DNAH11: variants seen among roughly 807,000 people sequenced by gnomAD.
DNAH11 encodes the protein dynein axonemal heavy chain 11.
Under a neutral mutation model 526.0 loss-of-function variants are expected in DNAH11, and 442 were observed. The observed-to-expected ratio is 0.84, with a 90% CI of 0.78 to 0.91. The LOEUF (loss-of-function observed/expected upper bound fraction) is 0.91. Among genes scored for constraint, DNAH11 ranks in the 40% least tolerant of loss-of-function variants. The pLI is 0.00. For missense variants in DNAH11, 6,989 were observed against 5,448.7 expected, an observed-to-expected ratio of 1.28 and a Z score of -8.90; for synonymous variants, 2,461 against 1,935.9, an observed-to-expected ratio of 1.27 and a Z score of -7.12.
intron 66 of DNAH11, among the ~76,000 whole-genome samples, chr7:21,848,211 C>A (rs575643890): frequency 2.1e-4 from 31 of 149,822 alleles, no homozygotes; most frequent in African/African-American, 7.5e-4. Context: ...GGAGAGTAGA[C>A]CCTTTTATTA....
chr7:21,553,665 C>T (rs1383270050), intron 2 of DNAH11, among the ~76,000 whole-genome samples: 2 of 152,322 alleles, frequency 1.3e-5, no homozygotes, highest in East Asian at 1.9e-4. Flanking sequence ...ATACTTGTAA[C>T]ATCCCCTCAT....
At chr7:21,841,421 C>T (rs747415670) in intron 65 of DNAH11, among the ~76,000 whole-genome samples, 2 of 152,086 alleles carry the variant, frequency 1.3e-5, no homozygotes, top group Non-Finnish European at 2.9e-5. Flanking sequence ...TACTTTCATG[C>T]TAATGTTGAT....
Position 21,558,946 on chromosome 7 carries a change from A to G in DNAH11, c.640A>G (p.Ile214Val), listed in dbSNP as rs117064287. ...GKMSRRTLLP[I>V]PTVAGKMDLD... Reference sequence around the variant, plus strand: ...AATGTCTAGAAGAACTCTTCTACCAATTCCCACTGTTGCAGGAAAGATGGA... The same window carrying G: ...AATGTCTAGAAGAACTCTTCTACCAGTTCCCACTGTTGCAGGAAAGATGGA... The change falls in exon 3 of 82, where the codon ATT becomes GTT. Residue 214 changes from isoleucine (I) to valine (V), a missense_variant. Coordinates refer to ENST00000409508, the MANE Select transcript of DNAH11 (RefSeq NM_001277115.2). 6.3e-3 allele frequency: 10,037 copies of G among 1,595,426 alleles called. 59 individuals are homozygous for G. Among genetic ancestry groups the G allele is most frequent in the Non-Finnish European group, 7.3e-3 (8,596 of 1,169,972 alleles).
In DNAH11 at chr7:21,615,131, G is replaced by A. The variant is rs200954442; in HGVS notation, c.3870G>A (p.Glu1290=). The change falls in exon 21 of 82, where the codon GAG becomes GAA. Residue 1290 remains glutamate, a synonymous_variant. Coordinates refer to ENST00000409508, the MANE Select transcript of DNAH11 (RefSeq NM_001277115.2). ...CTCCTTAGGCAAATGAAGAGCTTGA[G>A]GCCTTAGAAGAAGAAATGTTGCAGA... ...TALDKANEEL[E]ALEEEMLQMQ... 5 of 1,611,778 alleles carry A rather than the reference G, an allele frequency of 3.1e-6. No homozygotes were observed. The highest frequency in any genetic ancestry group is 1.7e-5 in the Admixed American group (1 of 59,652).
chr7:21,847,160 T>C (rs1369348245), intron 66 of DNAH11, among the ~76,000 whole-genome samples: 1 of 152,186 alleles, frequency 6.6e-6, no homozygotes, highest in Non-Finnish European at 1.5e-5. Flanking sequence ...GTTTCTCTAC[T>C]GATTTTCTGG....
intron 1 of DNAH11, among the ~76,000 whole-genome samples, 157 bp from the exon 2 acceptor site, chr7:21,544,849 C>T (rs1337663149): frequency 6.6e-6 from 1 of 152,098 alleles, no homozygotes; most frequent in Admixed American, 6.5e-5. Context: ...ATACTCGCTG[C>T]ATACTAGGGA....
In DNAH11 at chr7:21,683,815, C is replaced by G. The variant is rs751199223; in HGVS notation, c.5492C>G (p.Ser1831Cys). 1.5e-5 allele frequency: 24 copies of G among 1,610,934 alleles called. No individual in the cohort carries two copies. In the Admixed American group the frequency reaches 3.2e-4, roughly 21 times the overall value. ...AGTCCCCAAGCTTTTACATGGCTGT[C>G]TCAACTTCGTCACCGATGGGAGGAT... The part of the protein sequence containing the change: ...VVSPQAFTWL[S>C]QLRHRWEDTQ... The change falls in exon 32 of 82, where the codon TCT (serine) becomes TGT (cysteine). Residue 1831 changes from serine (S) to cysteine (C), a missense_variant. Coordinates refer to ENST00000409508, the MANE Select transcript of DNAH11 (RefSeq NM_001277115.2).
At chr7:21,864,439 G>T in intron 69 of DNAH11, 96 bp from the exon 70 acceptor site, 11 of 1,254,590 alleles carry the variant, frequency 8.8e-6, no homozygotes, top group Non-Finnish European at 1.2e-5. Flanking sequence ...GTATGGTTCT[G>T]CCTACTCAGT....
In DNAH11 at chr7:21,558,465, T is replaced by C. The variant is rs554463485; in HGVS notation, c.496-337T>C. On this transcript the variant is annotated intron_variant, in intron 2 of 81. Transcript: ENST00000409508. ...GATTCAGAAAGATTGTTTTCATTAA[T>C]GTGCCTGCCAGTGTGCTCAGTTTGC... Among the ~76,000 whole-genome samples the C allele has an allele frequency of 2.6e-5, 4 of 152,354 alleles. No individual in the cohort carries two copies. The South Asian group carries it at 8.3e-4, about 32-fold the overall frequency.
At chr7:21,784,384 A>G (rs1189556544) in intron 57 of DNAH11, 43 bp from the exon 58 acceptor site, 1 of 1,434,618 alleles carries the variant, frequency 7.0e-7, no homozygotes, top group South Asian at 1.2e-5. Context: ...GATATCTGTG[A>G]TAATAATTTA....
At position 21,748,533 on chromosome 7, in the gene DNAH11, CG is replaced by C. The variant is rs1562524366; in HGVS notation, c.8511-43del. 2.1e-6 allele frequency: 3 copies of C among 1,424,110 alleles called. No homozygotes were observed. The African/African-American group carries it at 4.3e-5, about 21-fold the overall frequency. 88.2% of individuals were successfully genotyped at this position (1,424,110 alleles called of 1,614,324 possible). On this transcript the variant is annotated intron_variant, in intron 51 of 81. Transcript: ENST00000409508. Reference sequence around the variant, plus strand: ...AAAATAAACAGAACAGACATAGTCCCGGGGCATTTTCGATTTTGTGCCATAA... The same window carrying C: ...AAAATAAACAGAACAGACATAGTCCCGGGCATTTTCGATTTTGTGCCATAA...
intron 63 of DNAH11, among the ~76,000 whole-genome samples, chr7:21,811,659 A>G (rs113461453): frequency 2.6e-3 from 394 of 152,292 alleles, no homozygotes; most frequent in African/African-American, 9.0e-3. Context: ...TGGTTGTACA[A>G]CAATGTGAAT....
intron 65 of DNAH11, among the ~76,000 whole-genome samples, chr7:21,829,358 T>C (rs188823315): frequency 1.3e-5 from 2 of 152,296 alleles, no homozygotes; most frequent in Admixed American, 6.5e-5. Context: ...AGAGAACATG[T>C]TGGCTATCTG....
chr7:21,697,484 A>G (rs1042467856), intron 35 of DNAH11, among the ~76,000 whole-genome samples: 2 of 152,186 alleles, frequency 1.3e-5, no homozygotes. Context: ...TGATTCAATA[A>G]GTTGGATTAA....
At chr7:21,782,408 G>A (rs568739316) in intron 57 of DNAH11, among the ~76,000 whole-genome samples, 2 of 152,292 alleles carry the variant, frequency 1.3e-5, no homozygotes, top group South Asian at 2.1e-4. Flanking sequence ...GAGATATACA[G>A]AATTTTCACT....
intron 28 of DNAH11, among the ~76,000 whole-genome samples, chr7:21,644,457 C>T (rs983710575): frequency 4.6e-5 from 7 of 151,962 alleles, no homozygotes; most frequent in African/African-American, 1.4e-4. Flanking sequence ...AAGTTGAGGG[C>T]GTGTAAGAAT....
intron 59 of DNAH11, 84 bp from the exon 60 acceptor site, chr7:21,787,317 C>T: frequency 2.1e-6 from 3 of 1,415,454 alleles, no homozygotes; most frequent in Non-Finnish European, 2.9e-6. Context: ...AATGTGAGTC[C>T]TAAAAGCTGA....
rs1374986860 is a variant in DNAH11, at chr7:21,655,930, C to T, written c.5043C>T (p.Ser1681=). ...VSAHRAVGMY[S]KEKEYVPFQA... ...CACACAGGGCAGTTGGAATGTACAG[C>T]AAAGAAAAGGAGTATGTCCCATTCC... Residue 1681 remains serine (S), a synonymous_variant, in exon 29 of 82, where the codon AGC becomes AGT. Transcript: ENST00000409508. The T allele has an allele frequency of 6.2e-7, 1 of 1,612,584 alleles. No individual in the cohort carries two copies. The highest frequency in any genetic ancestry group is 1.3e-5 in the African/African-American group (1 of 74,846).
intron 35 of DNAH11, among the ~76,000 whole-genome samples, chr7:21,694,177 T>G (rs1459546757): frequency 6.6e-6 from 1 of 152,156 alleles, no homozygotes; most frequent in Non-Finnish European, 1.5e-5. Context: ...TTATTATTAT[T>G]TTTTAAGTTT....
Sources: gnomAD v4.1 joint callset for allele counts (sites outside exome capture counted in the v4.1 genomes callset) on GRCh38, gnomAD v4.1.1 for gene constraint, MANE v1.5 for transcripts, NCBI Gene and HGNC (gene_info 2026-07-23, HGNC 2026-07-21) for gene names.